The following SLC4A1 variants were observed in gnomAD, a reference collection of about 807,000 sequenced individuals.
SLC4A1 encodes solute carrier family 4 member 1 (Diego blood group), also known as band 3 anion transport protein.
Under a neutral mutation model 93.1 loss-of-function variants are expected in SLC4A1, and 29 were observed. That is an observed-to-expected ratio of 0.31 (90% CI 0.23 to 0.42). The LOEUF (loss-of-function observed/expected upper bound fraction) is 0.42, where lower values mean the gene tolerates loss of function less well. SLC4A1 is among the 20% of genes least tolerant of loss of function. The pLI is 1.00. For synonymous variants in SLC4A1, 469 were observed against 497.2 expected (o/e 0.94, Z 0.76); for missense variants, 965 against 1,190.1 (o/e 0.81, Z 2.78).
intron 4 of SLC4A1, 58 bp from the exon 5 acceptor site, chr17:44,260,873 C>G (rs1210644002): frequency 7.0e-6 from 11 of 1,575,500 alleles, no homozygotes; most frequent in African/African-American, 4.0e-5. Context: ...ATAGTGGGTG[C>G]TCAGCCACTC....
intron 13 of SLC4A1, among the ~76,000 whole-genome samples, chr17:44,256,342 C>T (rs1046683337): frequency 9.2e-5 from 14 of 152,264 alleles, no homozygotes; most frequent in African/African-American, 3.4e-4. Context: ...TGTGCGAGCA[C>T]ACATGTACAC....
chr17:44,260,536 G>A lies in SLC4A1; in HGVS notation c.353C>T (p.Thr118Ile). Residue 118 changes from threonine to isoleucine, a missense_variant, in exon 6 of 20, where the codon ACT becomes ATT. Thr to Ile is a moderately conservative substitution (Grantham distance 89). Coordinates refer to ENST00000262418, the MANE Select transcript of SLC4A1 (RefSeq NM_000342.4). ...GGTCTCTTGCAGGTCTAGGAGGACA[G>A]TACCTGCAGGCAGTGGAGGAGTGAG... ...LELRRVFTKG[T>I]VLLDLQETSL... is the part of the protein sequence containing the mutation. The A allele has an allele frequency of 6.2e-7, 1 of 1,614,216 alleles. No homozygotes were observed. Among genetic ancestry groups the A allele is most frequent in the Non-Finnish European group, 8.5e-7 (1 of 1,180,018 alleles).
At position 44,254,617 on chromosome 17, in the gene SLC4A1, G is replaced by T. The variant is rs121912758; in HGVS notation, c.1936C>A (p.Arg646=). ...CCCAGTGGGTGGATGACCCAGCCCCGGGCTGAGGAGTTGGACACCTTGAAG... is the reference window on the plus strand; with the variant it reads ...CCCAGTGGGTGGATGACCCAGCCCCTGGCTGAGGAGTTGGACACCTTGAAG... ...DGFKVSNSSA[R]GWVIHPLGLR... The change falls in exon 16 of 20, where the codon CGG becomes AGG. Residue 646 remains arginine, a synonymous_variant. Coordinates refer to ENST00000262418, the MANE Select transcript of SLC4A1 (RefSeq NM_000342.4). The T allele has an allele frequency of 1.9e-6, 3 of 1,614,020 alleles. No homozygotes were observed. Among genetic ancestry groups the T allele is most frequent in the African/African-American group, 2.7e-5 (2 of 74,904 alleles).
At chr17:44,266,630 G>C (rs2047497963) in intron 1 of SLC4A1, among the ~76,000 whole-genome samples, 1 of 152,208 alleles carries the variant, frequency 6.6e-6, no homozygotes, top group Non-Finnish European at 1.5e-5. Context: ...CTTGAGCTCA[G>C]TTGGAGACTT....
At position 44,249,982 on chromosome 17, in the gene SLC4A1, A is replaced by G; in HGVS notation, c.*476T>C. 1 of 198,530 alleles carries G rather than the reference A, an allele frequency of 5.0e-6. No individual in the cohort carries two copies. Among genetic ancestry groups the G allele is most frequent in the East Asian group, 1.2e-4 (1 of 8,542 alleles). The allele number at this position is 198,530 out of a possible 1,614,324, so 12.3% of individuals were successfully genotyped here. ...GTTTACAAAGCCCTATTTTACATGT[A>G]TCTTTGGTCCTCAGTAACCATCCTG... On this transcript the variant is annotated 3_prime_UTR_variant, in exon 20 of 20. Coordinates refer to ENST00000262418, the MANE Select transcript of SLC4A1 (RefSeq NM_000342.4).
chr17:44,248,996 A>G lies in SLC4A1; in HGVS notation c.*1462T>C. ...TGCCTCAGCCTTCTAAGTAGCTGGG[A>G]TTACAGGTGCCTGCCACGAGACACC... On this transcript the variant is annotated 3_prime_UTR_variant, in exon 20 of 20. Coordinates refer to ENST00000262418, the MANE Select transcript of SLC4A1 (RefSeq NM_000342.4). 1 of 344,188 alleles carries G rather than the reference A, an allele frequency of 2.9e-6. No homozygotes were observed. The highest frequency in any genetic ancestry group is 5.7e-6 in the Non-Finnish European group (1 of 176,364). The allele number at this position is 344,188 out of a possible 1,614,324, so 21.3% of individuals were successfully genotyped here.
At position 44,262,726 on chromosome 17, in the gene SLC4A1, C is replaced by T; in HGVS notation, c.16G>A (p.Asp6Asn). The T allele has an allele frequency of 1.9e-6, 3 of 1,614,090 alleles. No individual in the cohort carries two copies. The highest frequency in any genetic ancestry group is 2.5e-6 in the Non-Finnish European group (3 of 1,179,924). Reference protein sequence around the residue: MEELQDDYEDMMEENL... With the variant: MEELQNDYEDMMEENL... ...TCCTCCATCATGTCTTCATAATCAT[C>T]CTGTGGGAAGTGGCCGCTGAGGCTG... The change falls in exon 3 of 20, where the codon GAT becomes AAT. Residue 6 changes from aspartate (D) to asparagine (N), a missense_variant and splice_region_variant. Asp to Asn is a conservative substitution (Grantham distance 23, BLOSUM62 1). Around this residue, in one of 2 missense-constraint regions of SLC4A1, gnomAD observed 195 missense variants for 183.5 expected, o/e 1.06. Transcript: ENST00000262418.
intron 17 of SLC4A1, 132 bp from the exon 18 acceptor site, chr17:44,251,720 C>CTTTTTTTTTTTTTTCT (rs747892309): frequency 1.1e-5 from 4 of 359,772 alleles, no homozygotes; most frequent in Non-Finnish European, 1.4e-5. Context: ...CTTTTCTTTT[C>CTTTTTTTTTTTTTTCT]TTTTTTTTTT....
rs199721620 is a variant in SLC4A1, at chr17:44,258,463, C to A, written c.1037G>T (p.Arg346Leu). 3 of 1,613,980 alleles carry A rather than the reference C, an allele frequency of 1.9e-6. No homozygotes were observed. The part of the protein sequence containing the change: ...VPVQRELLRR[R>L]YQSSPAKPDS... ...TGGCTTGGCAGGGCTGGACTGATAG[C>A]GCCTTCGAAGTAGCTCCCTCTGCAC... Residue 346 changes from arginine (R) to leucine (L), a missense_variant, in exon 10 of 20, where the codon CGC (arginine) becomes CTC (leucine). Physicochemically the swap from Arg to Leu is moderately radical, Grantham distance 102. Transcript: ENST00000262418. The surrounding 1 kb of genome is among the most constrained non-coding windows in gnomAD (Gnocchi z 6.1).
chr17:44,254,457 T>TGCCC, intron 16 of SLC4A1, 39 bp downstream of exon 16: 101 of 1,282,676 alleles, frequency 7.9e-5, no homozygotes, highest in Non-Finnish European at 9.8e-5. Flanking sequence ...GGTCCCTGCC[T>TGCCC]CCCACCCTCC....
Position 44,259,310 on chromosome 17 carries a change from G to A in SLC4A1, c.729C>T (p.Gly243=), listed in dbSNP as rs1326427106. ...CCGCTGCCTCCTGCAGCCTCACGAA[G>A]CCCAGCACCGGCTGCTCCAGGAAGT... is the stretch of plus-strand genomic sequence containing the variant. The part of the protein sequence containing the change: ...RADFLEQPVL[G]FVRLQEAAEL... The change falls in exon 9 of 20, where the codon GGC becomes GGT. Residue 243 remains glycine (G), a synonymous_variant. Coordinates refer to ENST00000262418, the MANE Select transcript of SLC4A1 (RefSeq NM_000342.4). 7 of 1,613,972 alleles carry A rather than the reference G, an allele frequency of 4.3e-6. No individual in the cohort carries two copies. The South Asian group carries it at 6.6e-5, about 15-fold the overall frequency.
At chr17:44,257,871 G>T in intron 11 of SLC4A1, 64 bp from the exon 12 acceptor site, 1 of 1,609,416 alleles carries the variant, frequency 6.2e-7, no homozygotes, top group African/African-American at 1.3e-5. Context: ...CATAGAGCAA[G>T]TCATGGTCAG....
In SLC4A1 at chr17:44,259,564, T is replaced by A; in HGVS notation, c.627A>T (p.Glu209Asp). 6.2e-7 allele frequency: 1 copy of A among 1,613,906 alleles called. No homozygotes were observed. The highest frequency in any genetic ancestry group is 8.5e-7 in the Non-Finnish European group (1 of 1,179,830). Residue 209 changes from glutamate (E) to aspartate (D), a missense_variant, in exon 8 of 20, where the codon GAA becomes GAT. This residue lies in a region of SLC4A1 where 770 missense variants were observed against 1,006.6 expected (regional missense o/e 0.76). Transcript: ENST00000262418. ...LFCEQGDGGT[E>D]GHSPSGILEK... ...CCAGAATTCCAGATGGTGAGTGCCC[T>A]TCTGTGCCCCCATCTCCCTGTGGGA...
intron 3 of SLC4A1, among the ~76,000 whole-genome samples, chr17:44,262,232 G>A (rs2047452018): frequency 6.6e-6 from 1 of 152,182 alleles, no homozygotes; most frequent in South Asian, 2.1e-4. Context: ...GGACAGGCCA[G>A]GGAAGGCAGG....
intron 19 of SLC4A1, 92 bp from the exon 20 acceptor site, chr17:44,250,630 G>C: frequency 1.0e-6 from 1 of 954,198 alleles, no homozygotes; most frequent in Non-Finnish European, 1.7e-6. Context: ...GGAGTTAGGA[G>C]AGGGTCTGGC....
At chr17:44,263,711 T>C (rs3040138) in intron 1 of SLC4A1, among the ~76,000 whole-genome samples, 2 of 8,612 alleles carry the variant, frequency 2.3e-4, no homozygotes, top group East Asian at 0.026. Context: ...CCTTCCCTCC[T>C]TCCTTCCTTC....
intron 13 of SLC4A1, among the ~76,000 whole-genome samples, chr17:44,256,083 A>G (rs147957213): frequency 1.5e-3 from 227 of 152,116 alleles, no homozygotes; most frequent in Non-Finnish European, 2.3e-3. Context: ...CCTATCATCT[A>G]TCAACCCATT....
chr17:44,260,989 C>T (rs758497263), intron 4 of SLC4A1, among the ~76,000 whole-genome samples, 174 bp from the exon 5 acceptor site: 56 of 152,272 alleles, frequency 3.7e-4, no homozygotes, highest in Non-Finnish European at 5.4e-4. Flanking sequence ...AGGCCTTTAC[C>T]CCATTGCAGA....
chr17:44,252,642 A>T (rs576958877), intron 17 of SLC4A1, among the ~76,000 whole-genome samples: 1 of 152,268 alleles, frequency 6.6e-6, no homozygotes, highest in South Asian at 2.1e-4. Flanking sequence ...AATCAACCCC[A>T]GTGACCCTTC....
Sources: gnomAD v4.1 joint callset for allele counts (sites outside exome capture counted in the v4.1 genomes callset) on GRCh38, gnomAD v4.1.1 for gene constraint, gnomAD v4.1.1 regional missense constraint, Gnocchi (gnomAD v3.1) non-coding constraint, MANE v1.5 for transcripts, NCBI Gene and HGNC (gene_info 2026-07-23, HGNC 2026-07-21) for gene names.